The following RNF24 variants were observed in gnomAD, a reference collection of about 807,000 sequenced individuals.
RNF24 encodes the protein ring finger protein 24.
In RNF24, 14 loss-of-function variants were observed where a neutral mutation model predicts 20.0. That is an observed-to-expected ratio of 0.70 (90% confidence interval 0.46 to 1.10). The LOEUF is 1.10. RNF24 is among the 50% of genes least tolerant of loss of function. RNF24 has a pLI of 0.00. For missense variants in RNF24, 124 were observed against 177.6 expected, an observed-to-expected ratio of 0.70 and a Z score of 1.71; for synonymous variants, 45 against 61.1, an observed-to-expected ratio of 0.74 and a Z score of 1.23.
At chr20:3,971,359 G>C (rs1279440748) in intron 1 of RNF24, among the ~76,000 whole-genome samples, 1 of 152,202 alleles carries the variant, frequency 6.6e-6, no homozygotes, top group Non-Finnish European at 1.5e-5. Flanking sequence ...ACCTACTCTT[G>C]AAGAGTGACT....
rs1041268052 is a variant in RNF24 at position 3,927,671 on chromosome 20, C to G, written c.*6392G>C. ...AACACTCTAGGAAGACCAGCTGTCA[C>G]CAGAAGGGAGTTCCTAACACTTGCC... On this transcript the variant is annotated 3_prime_UTR_variant, in exon 6 of 6. Transcript: ENST00000358395. 6.6e-6 allele frequency: 1 copy of G among 152,182 alleles called. No homozygotes were observed. Among genetic ancestry groups the G allele is most frequent in the Non-Finnish European group, 1.5e-5 (1 of 68,046 alleles). The allele number at this position is 152,182 out of a possible 1,614,324, so 9.4% of individuals were successfully genotyped here.
At chr20:3,989,442 G>A (rs1160996377) in intron 1 of RNF24, among the ~76,000 whole-genome samples, 3 of 151,012 alleles carry the variant, frequency 2.0e-5, no homozygotes, top group Non-Finnish European at 4.4e-5. Flanking sequence ...AGTGAGCCAA[G>A]ATTGCACCAC....
In RNF24 at chr20:3,940,898, T is replaced by C. The variant is rs937905832; in HGVS notation, c.228+4279A>G. Among the ~76,000 whole-genome samples the C allele has an allele frequency of 3.3e-5, 5 of 151,954 alleles. 1 individual carries two copies. Among genetic ancestry groups the C allele is most frequent in the African/African-American group, 1.2e-4 (5 of 41,340 alleles). On this transcript the variant is annotated intron_variant, in intron 4 of 5. Transcript: ENST00000358395. ...AGCCAGAAGACCTGCTTTAAGAAAA[T>C]TACTAAAGGAAAGTTCATTATGAAG...
At chr20:3,998,105 G>GA (rs1192925521) in intron 1 of RNF24, among the ~76,000 whole-genome samples, 2 of 152,250 alleles carry the variant, frequency 1.3e-5, no homozygotes, top group Middle Eastern at 3.4e-3. Flanking sequence ...TGGTTATCCT[G>GA]AAATAAAATA....
At chr20:3,953,849 C>T (rs1053136557) in intron 2 of RNF24, among the ~76,000 whole-genome samples, 7 of 151,760 alleles carry the variant, frequency 4.6e-5, no homozygotes, top group Admixed American at 1.3e-4. Flanking sequence ...CTCCACCTCC[C>T]GGGTTCAGGT....
chr20:4,008,482 A>ATATTAT (rs1325110321), intron 1 of RNF24, among the ~76,000 whole-genome samples: 3 of 99,282 alleles, frequency 3.0e-5, no homozygotes, highest in African/African-American at 1.3e-4. Flanking sequence ...TATAATATAT[A>ATATTAT]ATATAATATA....
At chr20:3,997,450 A>G (rs1003366576) in intron 1 of RNF24, among the ~76,000 whole-genome samples, 22 of 150,396 alleles carry the variant, frequency 1.5e-4, no homozygotes, top group Non-Finnish European at 2.7e-4. Context: ...TTTTTGAGGC[A>G]GGGTCTTGTT....
chr20:3,993,855 C>T (rs530539878), intron 1 of RNF24, among the ~76,000 whole-genome samples: 40 of 152,270 alleles, frequency 2.6e-4, no homozygotes, highest in Non-Finnish European at 4.9e-4. Context: ...AAATAATTTT[C>T]GATTTATAGA....
chr20:4,014,090 C>T (rs964424744), intron 1 of RNF24, among the ~76,000 whole-genome samples: 3 of 152,228 alleles, frequency 2.0e-5, no homozygotes, highest in African/African-American at 7.2e-5. Context: ...GCTTCCTTCT[C>T]TCTCTGGAGA....
In RNF24 at chr20:3,997,229, CAA is replaced by C. The variant is rs1227396478; in HGVS notation, c.-8+18206_-8+18207del. 1.8e-3 allele frequency among the ~76,000 whole-genome samples: 90 copies of C among 51,220 alleles called. 1 individual carries two copies. The highest frequency in any genetic ancestry group is 5.5e-3 in the African/African-American group (70 of 12,686). 33.6% of individuals were successfully genotyped at this position (51,220 alleles called of 152,430 possible). On this transcript the variant is annotated intron_variant, in intron 1 of 5. Coordinates refer to ENST00000358395, the MANE Select transcript of RNF24 (RefSeq NM_001134337.3). Reference sequence around the variant, plus strand: ...CAACCGACAGAGCAAGACTCCATCTCAAAAAAAAAAAAAAAAAAAAAAGAAAT... The same window carrying C: ...CAACCGACAGAGCAAGACTCCATCTCAAAAAAAAAAAAAAAAAAAAGAAAT...
In RNF24 at chr20:3,930,356, T is replaced by C. The variant is rs2090804951; in HGVS notation, c.*3707A>G. The C allele has an allele frequency of 6.6e-6, 1 of 152,184 alleles. No homozygotes were observed. 9.4% of individuals were successfully genotyped at this position (152,184 alleles called of 1,614,324 possible). ...AGCTCAGGAAGCTTTTTGGCTGAGG[T>C]TCTGTTCCTATCAATCATGATGGCA... is the stretch of plus-strand genomic sequence containing the variant. On this transcript the variant is annotated 3_prime_UTR_variant, in exon 6 of 6. Coordinates refer to ENST00000358395, the MANE Select transcript of RNF24 (RefSeq NM_001134337.3).
intron 1 of RNF24, among the ~76,000 whole-genome samples, chr20:3,986,497 C>T (rs1423504090): frequency 1.3e-5 from 2 of 151,886 alleles, no homozygotes; most frequent in East Asian, 3.9e-4. Flanking sequence ...CTCAAGTGAT[C>T]CCCCCTGCCT....
In RNF24 at chr20:3,934,248, T is replaced by C. The variant is rs1298160796; in HGVS notation, c.309-47A>G. On this transcript the variant is annotated intron_variant, in intron 5 of 5. Coordinates refer to ENST00000358395, the MANE Select transcript of RNF24 (RefSeq NM_001134337.3). The surrounding 1 kb of genome is among the most constrained non-coding windows in gnomAD (Gnocchi z 4.0). ...GGGGAAGATGTCAGTCCTATGCTCA[T>C]GGCACGGCTGTTCTGCTGAACATCT... 25 of 1,572,360 alleles carry C rather than the reference T, an allele frequency of 1.6e-5. No individual in the cohort carries two copies. Among genetic ancestry groups the C allele is most frequent in the Non-Finnish European group, 2.0e-5 (23 of 1,159,720 alleles).
chr20:3,935,295 T>C (rs1218738082), intron 4 of RNF24, among the ~76,000 whole-genome samples: 1 of 152,172 alleles, frequency 6.6e-6, no homozygotes. Flanking sequence ...GGTGGGCAGA[T>C]GGGAGAAGAC....
At chr20:4,007,239 T>C (rs1005229279) in intron 1 of RNF24, among the ~76,000 whole-genome samples, 6 of 152,182 alleles carry the variant, frequency 3.9e-5, no homozygotes, top group Non-Finnish European at 8.8e-5. Flanking sequence ...AATAAGAGAA[T>C]AAGCTAAAAC....
chr20:3,991,551 C>G (rs1980444644), intron 1 of RNF24, among the ~76,000 whole-genome samples: 2 of 152,120 alleles, frequency 1.3e-5, no homozygotes, highest in African/African-American at 4.8e-5. Flanking sequence ...TGCTCCATGC[C>G]TTAAGAAGCT....
chr20:3,989,188 A>C (rs1481331256), intron 1 of RNF24, among the ~76,000 whole-genome samples: 1 of 152,130 alleles, frequency 6.6e-6, no homozygotes, highest in African/African-American at 2.4e-5. Context: ...ACAGCCAGAA[A>C]TACTCTAAAA....
chr20:3,984,745 G>C (rs1295854981), intron 1 of RNF24, among the ~76,000 whole-genome samples: 1 of 151,816 alleles, frequency 6.6e-6, no homozygotes, highest in Non-Finnish European at 1.5e-5. Context: ...TTTAAAGTTT[G>C]AGGTTATCCT....
At chr20:3,957,171 G>A (rs2091152091) in intron 2 of RNF24, among the ~76,000 whole-genome samples, 2 of 152,076 alleles carry the variant, frequency 1.3e-5, no homozygotes, top group South Asian at 4.1e-4. Context: ...GGTGGTACAC[G>A]CCTGTAATCC....
Sources: allele counts gnomAD v4.1 joint callset (sites outside exome capture counted in the v4.1 genomes callset), GRCh38; gene constraint gnomAD v4.1.1; non-coding constraint Gnocchi (gnomAD v3.1); transcripts MANE v1.5; gene names NCBI Gene and HGNC (gene_info 2026-07-23, HGNC 2026-07-21).